The following GSK3A variants were observed in gnomAD, a reference collection of about 807,000 sequenced individuals.
GSK3A encodes the protein glycogen synthase kinase-3 alpha.
A neutral mutation model predicts 56.6 loss-of-function variants in GSK3A; 14 were observed. The observed-to-expected ratio is 0.25, with a 90% CI of 0.16 to 0.39. The LOEUF (loss-of-function observed/expected upper bound fraction) is 0.39, where lower values mean the gene tolerates loss of function less well. GSK3A is among the 10% of genes least tolerant of loss of function. The pLI is 1.00. For synonymous variants in GSK3A, 301 were observed against 285.0 expected (o/e 1.06, Z -0.56); for missense variants, 450 against 656.0 (o/e 0.69, Z 3.43).
intron 8 of GSK3A, 101 bp from the exon 9 acceptor site, chr19:42,232,783 T>G: frequency 1.0e-6 from 1 of 968,544 alleles, no homozygotes; most frequent in Non-Finnish European, 1.5e-6. Context: ...TATGACTGGT[T>G]GCTTCCCACA....
At chr19:42,241,528 G>C (rs954261814) in intron 1 of GSK3A, 1 of 152,210 alleles carries the variant, frequency 6.6e-6, no homozygotes. Flanking sequence ...TTGGTTTGAA[G>C]GATATGCTGA....
In GSK3A at chr19:42,234,890, G is replaced by A. The variant is rs908552922; in HGVS notation, c.667-212C>T. ...ACAGGGACTACTGGCTGGGCGTGGC[G>A]GGTCACGCCTGTAATCCCGGTATTT... On this transcript the variant is annotated intron_variant, in intron 4 of 10. Coordinates refer to ENST00000222330, the MANE Select transcript of GSK3A (RefSeq NM_019884.3). This position sits in a 1 kb window ranked among gnomAD's most constrained non-coding sequence, Gnocchi z 5.7. Among the ~76,000 whole-genome samples, 5 of 152,176 alleles carry A rather than the reference G, an allele frequency of 3.3e-5. No individual in the cohort carries two copies. Among genetic ancestry groups the A allele is most frequent in the Admixed American group, 6.5e-5 (1 of 15,284 alleles).
Position 42,242,569 on chromosome 19 carries a change from G to T in GSK3A, c.-104C>A. The T allele has an allele frequency of 1.1e-6, 1 of 907,030 alleles. No individual in the cohort carries two copies. The highest frequency in any genetic ancestry group is 1.4e-6 in the Non-Finnish European group (1 of 729,696). 56.2% of individuals were successfully genotyped at this position (907,030 alleles called of 1,614,324 possible). On this transcript the variant is annotated 5_prime_UTR_variant, in exon 1 of 11. Coordinates refer to ENST00000222330, the MANE Select transcript of GSK3A (RefSeq NM_019884.3). ...CGGGCCCTGGCCTCTTCCAGGCCGC[G>T]CCGCTCTGGCTTGGGCTCCGGCTCC... is the stretch of plus-strand genomic sequence containing the variant.
intron 1 of GSK3A, chr19:42,240,389 C>T: frequency 1.7e-6 from 1 of 585,078 alleles, no homozygotes; most frequent in Non-Finnish European, 3.0e-6. Flanking sequence ...CTCTCTGCTT[C>T]AAGGGTTGGC....
intron 6 of GSK3A, 22 bp from the exon 7 acceptor site, chr19:42,233,405 G>A (rs769118918): frequency 3.8e-5 from 57 of 1,508,454 alleles, no homozygotes; most frequent in Middle Eastern, 1.9e-4. Context: ...TGGAGGGAGC[G>A]TCAGGGCTAG....
At chr19:42,237,005 AC>A (rs1359919117) in intron 2 of GSK3A, 64 bp from the exon 3 acceptor site, 387 of 1,109,778 alleles carry the variant, frequency 3.5e-4, no homozygotes, top group Non-Finnish European at 3.6e-4. Flanking sequence ...CCCTACTCAC[AC>A]TCACTCCCAA....
rs1359151387 is a variant in GSK3A, at chr19:42,232,098, C to T, written c.1337G>A (p.Arg446Lys). 6.2e-7 allele frequency: 1 copy of T among 1,609,888 alleles called. No homozygotes were observed. The highest frequency in any genetic ancestry group is 2.2e-5 in the East Asian group (1 of 44,840). ...GAGGGTGGTAGTGCCCGCTGGGGAC[C>T]TCAAGTGAGGAGGGATGAGAATGGC... ...LNAILIPPHL[R>K]SPAGTTTLTP... is the part of the protein sequence containing the mutation. Residue 446 changes from arginine to lysine, a missense_variant, in exon 10 of 11, where the codon AGG (arginine) becomes AAG (lysine). Physicochemically the swap from Arg to Lys is conservative, Grantham distance 26. Around this residue, in one of 3 missense-constraint regions of GSK3A, gnomAD observed 113 missense variants for 147.5 expected, o/e 0.77. Transcript: ENST00000222330.
In GSK3A at chr19:42,234,456, T is replaced by C. The variant is rs753711736; in HGVS notation, c.801A>G (p.Ala267=). 4 of 1,613,998 alleles carry C rather than the reference T, an allele frequency of 2.5e-6. No homozygotes were observed. The South Asian group carries it at 4.4e-5, about 18-fold the overall frequency. ...AVLKLCDFGS[A]KQLVRGEPNV... The stretch of plus-strand genomic sequence containing the variant: ...TGGGCTCCCCTCGGACCAACTGCTT[T>C]GCACTGTGGGAAGAGATGGGCAGGG... Residue 267 remains alanine, a synonymous_variant, in exon 6 of 11, where the codon GCA becomes GCG. Coordinates refer to ENST00000222330, the MANE Select transcript of GSK3A (RefSeq NM_019884.3). The surrounding 1 kb of genome is among the most constrained non-coding windows in gnomAD (Gnocchi z 5.7).
At chr19:42,238,531 C>T (rs535511924) in intron 2 of GSK3A, among the ~76,000 whole-genome samples, 3 of 148,648 alleles carry the variant, frequency 2.0e-5, no homozygotes, top group South Asian at 2.1e-4. Context: ...CGCTTGAACC[C>T]GGCAGGCGGA....
chr19:42,235,312 TA>T (rs2036250103), intron 4 of GSK3A, among the ~76,000 whole-genome samples: 1 of 152,126 alleles, frequency 6.6e-6, no homozygotes. Flanking sequence ...GAGGTTGTCA[TA>T]AAACAGGCTA....
intron 10 of GSK3A, among the ~76,000 whole-genome samples, chr19:42,231,395 A>G (rs2146934976): frequency 6.6e-6 from 1 of 152,182 alleles, no homozygotes; most frequent in Admixed American, 6.5e-5. Context: ...TACTGTCAGT[A>G]GGATGGGCGG....
intron 9 of GSK3A, 97 bp from the exon 10 acceptor site, chr19:42,232,246 G>C (rs2036228847): frequency 1.2e-6 from 1 of 805,910 alleles, no homozygotes; most frequent in Non-Finnish European, 2.1e-6. Context: ...CCAGTTGTTT[G>C]TGGACACCTT....
intron 4 of GSK3A, 126 bp downstream of exon 4, chr19:42,236,480 G>A: frequency 1.4e-6 from 1 of 709,112 alleles, no homozygotes. Flanking sequence ...GGGAACAACA[G>A]CAGGGGACAT....
At chr19:42,236,114 G>C (rs555226394) in intron 4 of GSK3A, among the ~76,000 whole-genome samples, 1 of 152,308 alleles carries the variant, frequency 6.6e-6, no homozygotes, top group African/African-American at 2.4e-5. Context: ...AACACCCAGG[G>C]CACGATGCCA....
chr19:42,242,576 T>TGGCTTG lies in GSK3A; in HGVS notation c.-117_-112dup. The stretch of plus-strand genomic sequence containing the variant: ...TGGCCTCTTCCAGGCCGCGCCGCTC[T>TGGCTTG]GGCTTGGGCTCCGGCTCCGGCCCAG... On this transcript the variant is annotated 5_prime_UTR_variant, in exon 1 of 11. Transcript: ENST00000222330. The TGGCTTG allele has an allele frequency of 2.3e-6, 2 of 881,516 alleles. No homozygotes were observed. The highest frequency in any genetic ancestry group is 2.9e-6 in the Non-Finnish European group (2 of 696,472). The allele number at this position is 881,516 out of a possible 1,614,324, so 54.6% of individuals were successfully genotyped here. A position where few individuals can be genotyped will look rare whatever the true frequency, so the allele number is the denominator to read the frequency against.
At position 42,236,133 on chromosome 19, in the gene GSK3A, G is replaced by A. The variant is rs543561959; in HGVS notation, c.666+473C>T. ...CCCAGGGCACGATGCCAGGCACTGG[G>A]GAATGAGCCTGCACAGATGATGGAC... is the stretch of plus-strand genomic sequence containing the variant. On this transcript the variant is annotated intron_variant, in intron 4 of 10. Transcript: ENST00000222330. Among the ~76,000 whole-genome samples, 6 of 152,328 alleles carry A rather than the reference G, an allele frequency of 3.9e-5. No individual in the cohort carries two copies. The South Asian group carries it at 6.2e-4, about 16-fold the overall frequency.
At chr19:42,233,864 A>C (rs548719556) in intron 6 of GSK3A, among the ~76,000 whole-genome samples, 3 of 152,236 alleles carry the variant, frequency 2.0e-5, no homozygotes, top group African/African-American at 7.2e-5. Context: ...ACAGTTCGTC[A>C]TGCTGCTGTG....
intron 10 of GSK3A, 86 bp from the exon 11 acceptor site, chr19:42,230,953 A>G: frequency 4.6e-6 from 4 of 867,698 alleles, no homozygotes; most frequent in Non-Finnish European, 7.7e-6. Flanking sequence ...TTCTCTTGTC[A>G]TAGATGCTAC....
At chr19:42,240,267 C>G (rs1424305990) in intron 1 of GSK3A, 125 bp from the exon 2 acceptor site, 6 of 828,004 alleles carry the variant, frequency 7.2e-6, no homozygotes, top group Non-Finnish European at 1.2e-5. Flanking sequence ...GTCCCCTCCT[C>G]CTCTTTGAGG....
Sources: gnomAD v4.1 joint callset for allele counts (sites outside exome capture counted in the v4.1 genomes callset) on GRCh38, gnomAD v4.1.1 for gene constraint, gnomAD v4.1.1 regional missense constraint, Gnocchi (gnomAD v3.1) non-coding constraint, MANE v1.5 for transcripts, NCBI Gene and HGNC (gene_info 2026-07-23, HGNC 2026-07-21) for gene names.